Variants in CTDP1 observed in about 807,000 individuals in gnomAD.
The protein encoded by CTDP1 is RNA polymerase II subunit A C-terminal domain phosphatase.
CTDP1 carries 47 observed loss-of-function variants against 91.8 expected under a neutral mutation model. That is an observed-to-expected ratio of 0.51 (90% CI 0.41 to 0.65). The LOEUF (loss-of-function observed/expected upper bound fraction) is 0.65. Among genes scored for constraint, CTDP1 ranks in the 30% least tolerant of loss-of-function variants. The pLI is 0.00. For missense variants in CTDP1, 1,272 were observed against 1,373.7 expected (o/e 0.93, Z 1.17); for synonymous variants, 656 against 598.5 (o/e 1.10, Z -1.40).
rs1247940269 is a variant in CTDP1, at chr18:79,715,173, C to T, written c.1713C>T (p.Ser571=). The T allele has an allele frequency of 1.9e-6, 3 of 1,613,192 alleles. No homozygotes were observed. The highest frequency in any genetic ancestry group is 2.5e-6 in the Non-Finnish European group (3 of 1,179,834). The change falls in exon 8 of 13, where the codon TCC becomes TCT. Residue 571 remains serine, a synonymous_variant. Transcript: ENST00000613122. The stretch of plus-strand genomic sequence containing the variant: ...TGTCGGGGGTCACTGCGGGTGAGTC[C>T]CTGGACCAGAGCATGGAGGAGGAGG... ...SELSGVTAGE[S]LDQSMEEEEE...
intron 1 of CTDP1, among the ~76,000 whole-genome samples, chr18:79,691,148 G>A (rs2085611894): frequency 6.6e-6 from 1 of 152,232 alleles, no homozygotes; most frequent in Non-Finnish European, 1.5e-5. Flanking sequence ...GGCATCTGCT[G>A]TAGTCATCTG....
At chr18:79,741,116 AT>A (rs2086768294) in intron 12 of CTDP1, among the ~76,000 whole-genome samples, 2 of 143,058 alleles carry the variant, frequency 1.4e-5, no homozygotes, top group African/African-American at 5.4e-5. Context: ...CGTGTGGTTG[AT>A]CTGTCCCTGA....
At chr18:79,705,658 C>T (rs1357418031) in intron 5 of CTDP1, among the ~76,000 whole-genome samples, 2 of 152,376 alleles carry the variant, frequency 1.3e-5, no homozygotes, top group East Asian at 1.9e-4. Flanking sequence ...GTCTGTCCCA[C>T]ATGGATGTAG....
At position 79,715,534 on chromosome 18, in the gene CTDP1, T is replaced by G; in HGVS notation, c.2068+6T>G. The G allele has an allele frequency of 6.5e-7, 1 of 1,545,454 alleles. No homozygotes were observed. Among genetic ancestry groups the G allele is most frequent in the Non-Finnish European group, 8.7e-7 (1 of 1,149,366 alleles). ...CCTGATCGCCGCGCGAGCTGGTGAG[T>G]GCTGCCTCCCTGTGCCCTGGGCATG... On this transcript the variant is annotated splice_donor_region_variant and intron_variant, in intron 8 of 12. Coordinates refer to ENST00000613122, the MANE Select transcript of CTDP1 (RefSeq NM_004715.5).
At chr18:79,690,480 A>C (rs1344069671) in intron 1 of CTDP1, among the ~76,000 whole-genome samples, 3 of 152,262 alleles carry the variant, frequency 2.0e-5, no homozygotes, top group African/African-American at 7.2e-5. Flanking sequence ...TCCGCATTCA[A>C]GAATCCACAA....
intron 4 of CTDP1, among the ~76,000 whole-genome samples, chr18:79,701,736 A>G (rs1184899348): frequency 6.6e-6 from 1 of 152,136 alleles, no homozygotes; most frequent in African/African-American, 2.4e-5. Flanking sequence ...ATCTGCATCA[A>G]CCAGGAGTTG....
intron 6 of CTDP1, among the ~76,000 whole-genome samples, chr18:79,712,488 C>T (rs1022788752): frequency 6.6e-6 from 1 of 152,124 alleles, no homozygotes; most frequent in Non-Finnish European, 1.5e-5. Flanking sequence ...TCCTATGTTG[C>T]CCAGGCTGGT....
chr18:79,708,783 G>A lies in CTDP1; in HGVS notation c.773-1563G>A, dbSNP rs145885085. ...CAATCCAGTCCCCGTTTTGTTCCAC[G>A]GCACCTGCACGTGTCAGGCCAGATA... On this transcript the variant is annotated intron_variant, in intron 5 of 12. Transcript: ENST00000613122. Among the ~76,000 whole-genome samples the A allele has an allele frequency of 2.1e-3, 320 of 152,352 alleles. 3 individuals are homozygous for A. The highest frequency in any genetic ancestry group is 0.017 in the Middle Eastern group (5 of 294).
At chr18:79,702,006 A>G (rs1204398584) in intron 4 of CTDP1, among the ~76,000 whole-genome samples, 1 of 152,240 alleles carries the variant, frequency 6.6e-6, no homozygotes. Context: ...AGATGCTGCG[A>G]ATGTTGTTGA....
intron 3 of CTDP1, among the ~76,000 whole-genome samples, chr18:79,697,625 C>T (rs1021785314): frequency 6.6e-6 from 1 of 152,216 alleles, no homozygotes; most frequent in Admixed American, 6.5e-5. Flanking sequence ...CCTTCCCCCT[C>T]CGTTTTCATT....
chr18:79,753,588 C>T, intron 12 of CTDP1, 64 bp from the exon 13 acceptor site: 1 of 1,613,142 alleles, frequency 6.2e-7, no homozygotes, highest in Non-Finnish European at 8.5e-7. Context: ...AAATGCAGAC[C>T]AGGCGGTGAC....
intron 10 of CTDP1, among the ~76,000 whole-genome samples, chr18:79,726,078 C>T (rs765234780): frequency 3.9e-4 from 60 of 152,248 alleles, no homozygotes; most frequent in Admixed American, 1.2e-3. Flanking sequence ...ACATTTCCAG[C>T]CATTGCTTTT....
chr18:79,740,524 A>C (rs535668299), intron 12 of CTDP1, among the ~76,000 whole-genome samples: 2 of 152,054 alleles, frequency 1.3e-5, no homozygotes, highest in Non-Finnish European at 2.9e-5. Context: ...TGAGTTTTTT[A>C]TTTTTGCATG....
chr18:79,693,478 C>A (rs935189842), intron 1 of CTDP1, among the ~76,000 whole-genome samples: 3 of 152,098 alleles, frequency 2.0e-5, no homozygotes, highest in African/African-American at 7.2e-5. Context: ...TCTCCCATAT[C>A]CAAACTGCTT....
rs182817691 is a variant in CTDP1, at chr18:79,737,800, G to T, written c.2747+1279G>T. ...GCCTCCGCCCTGCCAATATCAACACGCCAGGATTTGGGGGTGTGGAATGAC... is the reference window on the plus strand; with the variant it reads ...GCCTCCGCCCTGCCAATATCAACACTCCAGGATTTGGGGGTGTGGAATGAC... On this transcript the variant is annotated intron_variant, in intron 12 of 12. Transcript: ENST00000613122. 2.5e-4 allele frequency among the ~76,000 whole-genome samples: 38 copies of T among 152,198 alleles called. 1 individual carries two copies. Among genetic ancestry groups the T allele is most frequent in the Admixed American group, 2.4e-3 (37 of 15,296 alleles).
At chr18:79,700,674 C>G (rs1489759843) in intron 4 of CTDP1, among the ~76,000 whole-genome samples, 2 of 152,174 alleles carry the variant, frequency 1.3e-5, no homozygotes, top group African/African-American at 4.8e-5. Flanking sequence ...GGCAAGTTCC[C>G]CTGGAGATAG....
At chr18:79,748,604 G>T (rs1306053556) in intron 12 of CTDP1, among the ~76,000 whole-genome samples, 1 of 152,204 alleles carries the variant, frequency 6.6e-6, no homozygotes, top group African/African-American at 2.4e-5. Flanking sequence ...GCGCCTGCCC[G>T]CAGGTTTCTT....
intron 4 of CTDP1, chr18:79,702,685 A>C (rs958318963): frequency 6.7e-6 from 1 of 148,900 alleles, no homozygotes; most frequent in Non-Finnish European, 1.5e-5. Flanking sequence ...ATTTTTAATA[A>C]TAAAGTATTT....
At chr18:79,742,240 T>G (rs1316209941) in intron 12 of CTDP1, among the ~76,000 whole-genome samples, 4 of 127,486 alleles carry the variant, frequency 3.1e-5, no homozygotes, top group African/African-American at 1.2e-4. Flanking sequence ...GAGGGGTTGG[T>G]GGAGAGAGGC....
Sources: allele counts gnomAD v4.1 joint callset (sites outside exome capture counted in the v4.1 genomes callset), GRCh38; gene constraint gnomAD v4.1.1; transcripts MANE v1.5; gene names NCBI Gene and HGNC (gene_info 2026-07-23, HGNC 2026-07-21).